The following ZMIZ2 variants were observed in gnomAD, a reference collection of about 807,000 sequenced individuals.
ZMIZ2 encodes zinc finger MIZ-type containing 2.
A neutral mutation model predicts 93.9 loss-of-function variants in ZMIZ2; 26 were observed. The observed-to-expected ratio is 0.28, with a 90% CI of 0.20 to 0.38. ZMIZ2 has a LOEUF of 0.38. Ranked by LOEUF, ZMIZ2 falls within the 10% of genes least tolerant of loss-of-function variation. The pLI is 1.00. For missense variants in ZMIZ2, 1,023 were observed against 1,235.0 expected (o/e 0.83, Z 2.57); for synonymous variants, 485 against 516.4 (o/e 0.94, Z 0.82).
At position 44,756,298 on chromosome 7, in the gene ZMIZ2, G is replaced by A. The variant is rs749690643; in HGVS notation, c.49G>A (p.Gly17Ser). Residue 17 changes from glycine (G) to serine (S), a missense_variant and splice_region_variant, in exon 2 of 19, where the codon GGT (glycine) becomes AGT (serine). Coordinates refer to ENST00000309315, the MANE Select transcript of ZMIZ2 (RefSeq NM_031449.4). ...ACCTGCCCTGCCCCCTGCGCCACAC[G>A]GGTGAGTGTGGGCTCCTCTGCCCAC... Reference protein sequence around the residue: ...MKPALPPAPHGDGSFAYESVP... With the variant: ...MKPALPPAPHSDGSFAYESVP... 7.4e-6 allele frequency: 12 copies of A among 1,613,874 alleles called. No homozygotes were observed. Among genetic ancestry groups the A allele is most frequent in the South Asian group, 2.2e-5 (2 of 91,090 alleles).
At chr7:44,750,968 T>TCAGGGGCA in intron 1 of ZMIZ2, 1 of 152,142 alleles carries the variant, frequency 6.6e-6, no homozygotes, top group African/African-American at 2.4e-5. Context: ...TATCCTATCA[T>TCAGGGGCA]CAGGGGCACA....
chr7:44,753,199 T>G (rs1455925074), intron 1 of ZMIZ2, among the ~76,000 whole-genome samples: 1 of 129,200 alleles, frequency 7.7e-6, no homozygotes, highest in African/African-American at 2.9e-5. Flanking sequence ...CTAATTGGAG[T>G]TTTTAATTTT....
In ZMIZ2 at chr7:44,761,788, C is replaced by G. The variant is rs996968185; in HGVS notation, c.1479C>G (p.Ala493=). The G allele has an allele frequency of 2.5e-6, 4 of 1,613,878 alleles. No homozygotes were observed. In the African/African-American group the frequency reaches 5.3e-5, roughly 22 times the overall value. The change falls in exon 11 of 19, where the codon GCC becomes GCG. Residue 493 remains alanine (A), a synonymous_variant. Coordinates refer to ENST00000309315, the MANE Select transcript of ZMIZ2 (RefSeq NM_031449.4). The surrounding 1 kb of genome is among the most constrained non-coding windows in gnomAD (Gnocchi z 5.8). ...WPASVQVSVN[A]TPLTIERGDN... Reference sequence around the variant, plus strand: ...CCTCGGTGCAGGTCAGCGTCAATGCCACGCCGCTCACCATCGAGCGTGGCG... The same window carrying G: ...CCTCGGTGCAGGTCAGCGTCAATGCGACGCCGCTCACCATCGAGCGTGGCG...
At position 44,763,170 on chromosome 7, in the gene ZMIZ2, C is replaced by G. The variant is rs1478697881; in HGVS notation, c.1703-86C>G. 1.3e-6 allele frequency: 2 copies of G among 1,558,700 alleles called. No individual in the cohort carries two copies. Among genetic ancestry groups the G allele is most frequent in the African/African-American group, 2.7e-5 (2 of 73,970 alleles). ...CTCAGAGCTGTCAGTGGGTCAGTGA[C>G]TGGGTCCCTGCCTCGTTGGCATCCC... On this transcript the variant is annotated intron_variant, in intron 12 of 18. Coordinates refer to ENST00000309315, the MANE Select transcript of ZMIZ2 (RefSeq NM_031449.4). This position sits in a 1 kb window ranked among gnomAD's most constrained non-coding sequence, Gnocchi z 5.6.
upstream of ZMIZ2, chr7:44,748,736 C>G (rs976715766): frequency 6.7e-6 from 1 of 150,082 alleles, no homozygotes; most frequent in African/African-American, 2.4e-5. Flanking sequence ...CGCTCGGGCT[C>G]GCGGCCGCCC....
At chr7:44,764,850 T>C in intron 14 of ZMIZ2, 91 bp from the exon 15 acceptor site, 1 of 1,392,402 alleles carries the variant, frequency 7.2e-7, no homozygotes, top group Non-Finnish European at 1.0e-6. Flanking sequence ...TCATGCAGGG[T>C]CACAGCTGAC....
chr7:44,767,722 C>T lies in ZMIZ2; in HGVS notation c.*99C>T. 2 of 1,076,338 alleles carry T rather than the reference C, an allele frequency of 1.9e-6. No individual in the cohort carries two copies. The highest frequency in any genetic ancestry group is 3.9e-5 in the Admixed American group (2 of 51,054). 66.7% of individuals were successfully genotyped at this position (1,076,338 alleles called of 1,614,324 possible). A position where few individuals can be genotyped will look rare whatever the true frequency, so the allele number is the denominator to read the frequency against. ...CCATGGGACACCCGGTGGTCTTTCC[C>T]AAACCTCCCCCAAAACACACCTGGA... On this transcript the variant is annotated 3_prime_UTR_variant, in exon 19 of 19. Coordinates refer to ENST00000309315, the MANE Select transcript of ZMIZ2 (RefSeq NM_031449.4).
chr7:44,760,792 G>A (rs934085236), intron 9 of ZMIZ2, among the ~76,000 whole-genome samples, 199 bp downstream of exon 9: 4 of 150,594 alleles, frequency 2.7e-5, no homozygotes, highest in South Asian at 2.1e-4. Context: ...CAAGGTTACC[G>A]TGAGTGTGAT....
chr7:44,765,465 C>G lies in ZMIZ2; in HGVS notation c.2128C>G (p.His710Asp). The change falls in exon 16 of 19, where the codon CAC becomes GAC. Residue 710 changes from histidine to aspartate, a missense_variant. This residue lies in a region of ZMIZ2 where 319 missense variants were observed against 358.8 expected (regional missense o/e 0.89). Transcript: ENST00000309315. The surrounding 1 kb of genome is among the most constrained non-coding windows in gnomAD (Gnocchi z 4.1). The part of the protein sequence containing the change: ...LKRCRTVSPA[H>D]VLMPSVMEMI... ...GCGCTGCCGCACCGTGAGCCCCGCC[C>G]ACGTGCTCATGCCCAGCGTGATGGA... 1 of 1,604,944 alleles carries G rather than the reference C, an allele frequency of 6.2e-7. No homozygotes were observed. Among genetic ancestry groups the G allele is most frequent in the Non-Finnish European group, 8.5e-7 (1 of 1,179,880 alleles).
chr7:44,750,559 G>A (rs889265210), intron 1 of ZMIZ2, among the ~76,000 whole-genome samples: 1 of 152,168 alleles, frequency 6.6e-6, no homozygotes, highest in Non-Finnish European at 1.5e-5. Flanking sequence ...CTGCCACAGG[G>A]CCCACTTGCT....
At position 44,766,444 on chromosome 7, in the gene ZMIZ2, C is replaced by T. The variant is rs769862260; in HGVS notation, c.2436C>T (p.Asp812=). Residue 812 remains aspartate (D), a synonymous_variant, in exon 18 of 19, where the codon GAC becomes GAT. Coordinates refer to ENST00000309315, the MANE Select transcript of ZMIZ2 (RefSeq NM_031449.4). The surrounding 1 kb of genome is among the most constrained non-coding windows in gnomAD (Gnocchi z 4.4). The stretch of plus-strand genomic sequence containing the variant: ...AGATGGCACCAGCAGGTCACCTGGA[C>T]CCCACTCACAATCCTGGGACACCAG... ...PSQMAPAGHL[D]PTHNPGTPGL... The T allele has an allele frequency of 8.1e-6, 13 of 1,614,138 alleles. No individual in the cohort carries two copies. Among genetic ancestry groups the T allele is most frequent in the East Asian group, 4.5e-5 (2 of 44,878 alleles).
Position 44,765,558 on chromosome 7 carries a change from C to T in ZMIZ2, c.2221C>T (p.Pro741Ser). Residue 741 changes from proline (P) to serine (S), a missense_variant, in exon 16 of 19, where the codon CCC becomes TCC. Physicochemically the swap from Pro to Ser is moderately conservative, Grantham distance 74. Transcript: ENST00000309315. The surrounding 1 kb of genome is among the most constrained non-coding windows in gnomAD (Gnocchi z 4.1). ...APLQPPSVPA[P>S]SDYPGQGSSF... ...CCTGCAGCCCCCCTCAGTCCCTGCC[C>T]CCAGCGACTACCCTGGCCAGGGTAA... 1 of 1,501,774 alleles carries T rather than the reference C, an allele frequency of 6.7e-7. No homozygotes were observed. The highest frequency in any genetic ancestry group is 1.8e-4 in the Middle Eastern group (1 of 5,628). 93.0% of individuals were successfully genotyped at this position (1,501,774 alleles called of 1,614,324 possible).
At chr7:44,764,555 T>A in intron 14 of ZMIZ2, 69 bp downstream of exon 14, 1 of 1,517,028 alleles carries the variant, frequency 6.6e-7, no homozygotes, top group Non-Finnish European at 9.1e-7. Flanking sequence ...GGGTGAAACC[T>A]CCAACAGCAT....
intron 1 of ZMIZ2, among the ~76,000 whole-genome samples, chr7:44,749,242 C>A (rs1562716533): frequency 6.6e-6 from 1 of 152,168 alleles, no homozygotes; most frequent in Admixed American, 6.5e-5. Context: ...CAGGCTCGGC[C>A]CCGTGGGCGT....
At position 44,761,812 on chromosome 7, in the gene ZMIZ2, C is replaced by T. The variant is rs760373918; in HGVS notation, c.1503C>T (p.Gly501=). 3 of 1,613,750 alleles carry T rather than the reference C, an allele frequency of 1.9e-6. No individual in the cohort carries two copies. The highest frequency in any genetic ancestry group is 1.1e-5 in the South Asian group (1 of 91,084). ...CCACGCCGCTCACCATCGAGCGTGGCGACAACAAGACCTCGCACAAGCCAC... is the reference window on the plus strand; with the variant it reads ...CCACGCCGCTCACCATCGAGCGTGGTGACAACAAGACCTCGCACAAGCCAC... The part of the protein sequence containing the change: ...VNATPLTIER[G]DNKTSHKPLY... Residue 501 remains glycine (G), a synonymous_variant, in exon 11 of 19, where the codon GGC becomes GGT. Coordinates refer to ENST00000309315, the MANE Select transcript of ZMIZ2 (RefSeq NM_031449.4). The surrounding 1 kb of genome is among the most constrained non-coding windows in gnomAD (Gnocchi z 5.8).
chr7:44,755,734 A>T (rs989301621), intron 1 of ZMIZ2, among the ~76,000 whole-genome samples: 12 of 152,144 alleles, frequency 7.9e-5, no homozygotes, highest in Non-Finnish European at 1.5e-5. Flanking sequence ...TTTAGCAGGG[A>T]GTCCCCTCAC....
Position 44,756,997 on chromosome 7 carries a change from G to A in ZMIZ2, c.216G>A (p.Met72Ile). Residue 72 changes from methionine to isoleucine, a missense_variant, in exon 4 of 19, where the codon ATG becomes ATA. Transcript: ENST00000309315. ...CAGGGAGTCCCTCTGGCAGCTCCAT[G>A]ATGCCTGGTGTGGCAGGGGGCAGCT... ...GPAGSPSGSS[M>I]MPGVAGGSSA... The A allele has an allele frequency of 6.2e-7, 1 of 1,612,756 alleles. No homozygotes were observed. The highest frequency in any genetic ancestry group is 8.5e-7 in the Non-Finnish European group (1 of 1,179,538).
At chr7:44,751,395 G>A (rs1790132152) in intron 1 of ZMIZ2, among the ~76,000 whole-genome samples, 1 of 152,224 alleles carries the variant, frequency 6.6e-6, no homozygotes, top group East Asian at 1.9e-4. Flanking sequence ...CTGCGAGCTG[G>A]TTTTGATGTG....
At chr7:44,751,497 G>T (rs546315437) in intron 1 of ZMIZ2, among the ~76,000 whole-genome samples, 4 of 152,192 alleles carry the variant, frequency 2.6e-5, no homozygotes, top group Non-Finnish European at 5.9e-5. Context: ...GACCACGGGC[G>T]GGGGAGGGGG....
Sources: gnomAD v4.1 joint callset for allele counts (sites outside exome capture counted in the v4.1 genomes callset) on GRCh38, gnomAD v4.1.1 for gene constraint, gnomAD v4.1.1 regional missense constraint, Gnocchi (gnomAD v3.1) non-coding constraint, MANE v1.5 for transcripts, NCBI Gene and HGNC (gene_info 2026-07-23, HGNC 2026-07-21) for gene names.